The following CNTN1 variants were observed in gnomAD, a reference collection of about 807,000 sequenced individuals.
The protein encoded by CNTN1 is contactin 1.
CNTN1 carries 38 observed loss-of-function variants against 126.4 expected under a neutral mutation model. That is an observed-to-expected ratio of 0.30 (90% CI 0.23 to 0.39). The LOEUF is 0.39. CNTN1 is among the 10% of genes least tolerant of loss of function. CNTN1 has a pLI of 1.00. For synonymous variants in CNTN1, 413 were observed against 422.6 expected (o/e 0.98, Z 0.28); for missense variants, 1,009 against 1,248.4 (o/e 0.81, Z 2.89).
At chr12:40,738,439 T>A (rs2136376952) in intron 1 of CNTN1, among the ~76,000 whole-genome samples, 1 of 152,216 alleles carries the variant, frequency 6.6e-6, no homozygotes, top group South Asian at 2.1e-4. Flanking sequence ...TGTGGGTGAC[T>A]TTTGTGTTGT....
chr12:40,977,602 A>G (rs1036709306), intron 15 of CNTN1, among the ~76,000 whole-genome samples: 2 of 152,174 alleles, frequency 1.3e-5, no homozygotes, highest in Non-Finnish European at 2.9e-5. Flanking sequence ...CTGACAAAGT[A>G]CTAATTAATA....
Position 40,796,244 on chromosome 12 carries a change from G to A in CNTN1, c.-77+103652G>A, listed in dbSNP as rs572258008. ...AGAATAGAGAAATAGCATAGAATGT[G>A]ATGACCAGCTCTAAGAAACATTAAA... On this transcript the variant is annotated intron_variant, in intron 1 of 23. Coordinates refer to ENST00000551295, the MANE Select transcript of CNTN1 (RefSeq NM_001843.4). 7.9e-5 allele frequency among the ~76,000 whole-genome samples: 12 copies of A among 152,164 alleles called. 1 individual carries two copies. The highest frequency in any genetic ancestry group is 2.9e-4 in the African/African-American group (12 of 41,528).
intron 1 of CNTN1, among the ~76,000 whole-genome samples, chr12:40,903,569 G>A (rs2136783575): frequency 6.6e-6 from 1 of 152,214 alleles, no homozygotes; most frequent in South Asian, 2.1e-4. Context: ...TGCTGCTGAA[G>A]GATGTGATCA....
Position 41,027,056 on chromosome 12 carries a change from C to T in CNTN1, c.2711-801C>T, listed in dbSNP as rs532069909. ...GGGGGTTGGTTGTGCCATTTGCTGA[C>T]GATGGCAAAGAGTCATTGGAGAAAG... On this transcript the variant is annotated intron_variant, in intron 21 of 23. Transcript: ENST00000551295. Among the ~76,000 whole-genome samples, 75 of 151,972 alleles carry T rather than the reference C, an allele frequency of 4.9e-4. No individual in the cohort carries two copies. In the South Asian group the frequency reaches 0.014, roughly 29 times the overall value.
At chr12:40,731,178 C>T (rs965724446) in intron 1 of CNTN1, among the ~76,000 whole-genome samples, 1 of 151,766 alleles carries the variant, frequency 6.6e-6, no homozygotes, top group African/African-American at 2.4e-5. Flanking sequence ...TAAAATAGAC[C>T]AATCCTTGGC....
chr12:40,910,128 C>T, intron 3 of CNTN1, 23 bp downstream of exon 3: 1 of 1,554,686 alleles, frequency 6.4e-7, no homozygotes, highest in Non-Finnish European at 8.9e-7. Flanking sequence ...AAGAGTAGAC[C>T]TTGTAAACAT....
At chr12:40,815,273 C>T (rs991328168) in intron 1 of CNTN1, among the ~76,000 whole-genome samples, 1 of 152,176 alleles carries the variant, frequency 6.6e-6, no homozygotes, top group African/African-American at 2.4e-5. Flanking sequence ...TTGATTCTTC[C>T]TATCCATGAG....
intron 1 of CNTN1, among the ~76,000 whole-genome samples, chr12:40,769,798 T>C (rs1939262014): frequency 6.6e-6 from 1 of 152,208 alleles, no homozygotes; most frequent in African/African-American, 2.4e-5. Context: ...GGCCCTGTAC[T>C]GTTTAGATAT....
intron 1 of CNTN1, among the ~76,000 whole-genome samples, chr12:40,794,316 G>C (rs1439547802): frequency 6.6e-6 from 1 of 152,056 alleles, no homozygotes; most frequent in African/African-American, 2.4e-5. Context: ...TGTTGGTGAA[G>C]AGTTGTGCCA....
At chr12:40,974,739 C>A (rs760505780) in intron 15 of CNTN1, among the ~76,000 whole-genome samples, 6 of 152,194 alleles carry the variant, frequency 3.9e-5, no homozygotes, top group Non-Finnish European at 8.8e-5. Context: ...CTATTCCTGT[C>A]TGTTTCCTCA....
intron 1 of CNTN1, among the ~76,000 whole-genome samples, chr12:40,900,932 C>T (rs1324972831): frequency 6.6e-6 from 1 of 152,058 alleles, no homozygotes; most frequent in Non-Finnish European, 1.5e-5. Context: ...GCTCTGTTGT[C>T]GATGATTTAC....
chr12:41,064,791 A>AGATG (rs928661653), intron 23 of CNTN1, among the ~76,000 whole-genome samples: 3 of 152,072 alleles, frequency 2.0e-5, no homozygotes, highest in African/African-American at 7.2e-5. Context: ...ATAGATAGAT[A>AGATG]GATAGATAGA....
At position 40,947,778 on chromosome 12, in the gene CNTN1, T is replaced by TAC. The variant is rs879449831; in HGVS notation, c.1683+3609_1683+3610insCA. ...TGTCACTATTTCATATATATATATATATATACACACACACACACACACACA... is the reference window on the plus strand; with the variant it reads ...TGTCACTATTTCATATATATATATATACATATACACACACACACACACACACA... On this transcript the variant is annotated intron_variant, in intron 14 of 23. Transcript: ENST00000551295. 1.1e-3 allele frequency among the ~76,000 whole-genome samples: 70 copies of TAC among 65,382 alleles called. 1 individual carries two copies. The highest frequency in any genetic ancestry group is 2.6e-3 in the East Asian group (7 of 2,734). The allele number at this position is 65,382 out of a possible 152,430, so 42.9% of individuals were successfully genotyped here.
At chr12:40,793,119 G>A (rs1225272120) in intron 1 of CNTN1, among the ~76,000 whole-genome samples, 6 of 152,170 alleles carry the variant, frequency 3.9e-5, no homozygotes, top group Admixed American at 1.3e-4. Flanking sequence ...ACAGGCTAGC[G>A]TCTCATCTTT....
intron 1 of CNTN1, among the ~76,000 whole-genome samples, chr12:40,861,758 TCTTTA>T (rs1214069649): frequency 1.3e-5 from 2 of 152,200 alleles, no homozygotes; most frequent in Non-Finnish European, 2.9e-5. Flanking sequence ...ACAATATGTA[TCTTTA>T]CTTAATCACT....
At chr12:40,964,079 G>C (rs985314122) in intron 15 of CNTN1, among the ~76,000 whole-genome samples, 2 of 152,098 alleles carry the variant, frequency 1.3e-5, no homozygotes, top group Non-Finnish European at 2.9e-5. Flanking sequence ...TATTTCTGAT[G>C]TATTATAAAT....
chr12:40,949,552 CTTCTT>C (rs1173972800), intron 14 of CNTN1, among the ~76,000 whole-genome samples: 2 of 107,794 alleles, frequency 1.9e-5, no homozygotes, highest in East Asian at 2.8e-4. Context: ...TGTGGGTTTT[CTTCTT>C]TTCTTTTCTT....
rs75513855 is a variant in CNTN1, at chr12:40,841,816, C to G, written c.-76-66541C>G. The stretch of plus-strand genomic sequence containing the variant: ...CCGTATAGGACAAACGCATAGCTAA[C>G]CTCATACTCAAAGGGGAAACGCAGA... On this transcript the variant is annotated intron_variant, in intron 1 of 23. Coordinates refer to ENST00000551295, the MANE Select transcript of CNTN1 (RefSeq NM_001843.4). Among the ~76,000 whole-genome samples, 3 of 152,004 alleles carry G rather than the reference C, an allele frequency of 2.0e-5. No individual in the cohort carries two copies. The South Asian group carries it at 6.2e-4, about 32-fold the overall frequency.
At position 41,017,381 on chromosome 12, in the gene CNTN1, C is replaced by CAAA. The variant is rs1178250513; in HGVS notation, c.2419+482_2419+484dup. ...TGGAGGACAGAGCAAGACTCCGTCT[C>CAAA]AAAAAAAAAAAAAAAAAAATTTCTG... On this transcript the variant is annotated intron_variant, in intron 19 of 23. Coordinates refer to ENST00000551295, the MANE Select transcript of CNTN1 (RefSeq NM_001843.4). Among the ~76,000 whole-genome samples, 124 of 79,542 alleles carry CAAA rather than the reference C, an allele frequency of 1.6e-3. 1 individual carries two copies. Among genetic ancestry groups the CAAA allele is most frequent in the Middle Eastern group, 7.1e-3 (1 of 140 alleles). 52.2% of individuals were successfully genotyped at this position (79,542 alleles called of 152,430 possible).
Sources: gnomAD v4.1 joint callset for allele counts (sites outside exome capture counted in the v4.1 genomes callset) on GRCh38, gnomAD v4.1.1 for gene constraint, MANE v1.5 for transcripts, NCBI Gene and HGNC (gene_info 2026-07-23, HGNC 2026-07-21) for gene names.